Variants in MAF observed in about 807,000 individuals in gnomAD.
MAF encodes the protein MAF bZIP transcription factor, also known as transcription factor Maf.
Under a neutral mutation model 22.0 loss-of-function variants are expected in MAF, and 10 were observed. The observed-to-expected ratio is 0.45, with a 90% CI of 0.28 to 0.77. The LOEUF is 0.77. Ranked by LOEUF, MAF falls within the 30% of genes least tolerant of loss-of-function variation. The pLI, the probability that MAF is intolerant of heterozygous loss-of-function variation, is 0.12. For synonymous variants in MAF, 337 were observed against 255.8 expected (o/e 1.32, Z -3.03); for missense variants, 544 against 548.4 (o/e 0.99, Z 0.08).
At chr16:79,268,560 T>A in the MAF span, among the ~76,000 whole-genome samples, 2 of 152,286 alleles carry the variant, frequency 1.3e-5, no homozygotes, top group East Asian at 3.9e-4. Context: ...GTAGTCGAAC[T>A]AGGACAACAG....
At chr16:79,596,873 A>C (rs926644130) in intron 1 of MAF, 3 of 1,050,240 alleles carry the variant, frequency 2.9e-6, no homozygotes, top group Non-Finnish European at 3.4e-6. Context: ...TTAGCGTTCT[A>C]AACAGTTTTG....
chr16:79,212,451 C>T, the MAF span: 1 of 256,396 alleles, frequency 3.9e-6, no homozygotes, highest in Non-Finnish European at 7.5e-6. Context: ...GAGATTATAA[C>T]AAATTTTTCA....
the MAF span, among the ~76,000 whole-genome samples, chr16:79,338,006 C>CTAGG: frequency 6.6e-4 from 101 of 152,254 alleles, no homozygotes; most frequent in African/African-American, 2.4e-3. Context: ...AGGCCCTGTG[C>CTAGG]TAGGCACTTG....
the MAF span, among the ~76,000 whole-genome samples, chr16:79,420,368 T>C: frequency 6.6e-6 from 1 of 152,188 alleles, no homozygotes; most frequent in Non-Finnish European, 1.5e-5. Context: ...CAGTCACGTT[T>C]CTGAACACAG....
chr16:79,273,138 C>G, the MAF span, among the ~76,000 whole-genome samples: 3 of 152,158 alleles, frequency 2.0e-5, no homozygotes, highest in African/African-American at 7.2e-5. Flanking sequence ...TACATTTAGT[C>G]AGACCTTCAG....
the MAF span, among the ~76,000 whole-genome samples, chr16:79,326,698 T>C: frequency 5.3e-5 from 8 of 152,212 alleles, no homozygotes; most frequent in African/African-American, 9.7e-5. Flanking sequence ...CACAGGAGTA[T>C]GTAAATGCAG....
the MAF span, among the ~76,000 whole-genome samples, chr16:79,331,734 C>T: frequency 2.0e-5 from 3 of 152,166 alleles, no homozygotes; most frequent in Non-Finnish European, 4.4e-5. Flanking sequence ...TTTCCAGTGT[C>T]TTCCCTGGCC....
At chr16:79,292,002 G>T in the MAF span, among the ~76,000 whole-genome samples, 1 of 151,574 alleles carries the variant, frequency 6.6e-6, no homozygotes, top group Non-Finnish European at 1.5e-5. Flanking sequence ...TCAAACAGAC[G>T]AGGAAACTGA....
chr16:79,293,476 A>T, the MAF span, among the ~76,000 whole-genome samples: 1 of 152,212 alleles, frequency 6.6e-6, no homozygotes, highest in Non-Finnish European at 1.5e-5. Context: ...TTTGCACATA[A>T]TATGTAATAT....
At chr16:79,447,945 T>G in the MAF span, among the ~76,000 whole-genome samples, 1 of 145,998 alleles carries the variant, frequency 6.8e-6, no homozygotes, top group Non-Finnish European at 1.5e-5. Context: ...CCTGAAGATA[T>G]GACTGAATTG....
At chr16:79,568,380 C>G in the MAF span, among the ~76,000 whole-genome samples, 20 of 152,172 alleles carry the variant, frequency 1.3e-4, no homozygotes, top group Non-Finnish European at 2.5e-4. Flanking sequence ...GTTCAAATTC[C>G]TGTTCTATCT....
At chr16:79,325,598 AACACACACACAC>A in the MAF span, among the ~76,000 whole-genome samples, 108 of 145,626 alleles carry the variant, frequency 7.4e-4, no homozygotes, top group Non-Finnish European at 1.1e-3. Flanking sequence ...CCCAGACACA[AACACACACACAC>A]ACACACACAC....
At chr16:79,483,854 G>C in the MAF span, among the ~76,000 whole-genome samples, 1 of 152,268 alleles carries the variant, frequency 6.6e-6, no homozygotes, top group Non-Finnish European at 1.5e-5. Flanking sequence ...GGTCTTATTC[G>C]ACAGGCAGAG....
At chr16:79,400,258 C>G in the MAF span, among the ~76,000 whole-genome samples, 1 of 152,172 alleles carries the variant, frequency 6.6e-6, no homozygotes, top group Non-Finnish European at 1.5e-5. Flanking sequence ...AGAGAACATC[C>G]CTTTGTGGCT....
chr16:79,493,974 C>T, the MAF span, among the ~76,000 whole-genome samples: 1 of 151,000 alleles, frequency 6.6e-6, no homozygotes, highest in African/African-American at 2.4e-5. Flanking sequence ...AAATCAGGCT[C>T]TTTCAAAAAA....
the MAF span, among the ~76,000 whole-genome samples, chr16:79,541,636 C>T: frequency 6.6e-6 from 1 of 151,738 alleles, no homozygotes; most frequent in Non-Finnish European, 1.5e-5. Context: ...GCCCTTGTTA[C>T]CAGCTAAGCT....
chr16:79,598,573 G>A (rs1913723248), intron 1 of MAF: 2 of 1,425,318 alleles, frequency 1.4e-6, no homozygotes, highest in African/African-American at 1.7e-5. Flanking sequence ...AACTCGAGCA[G>A]GGTGTGGGGT....
the MAF span, among the ~76,000 whole-genome samples, chr16:79,468,876 G>C: frequency 6.6e-6 from 1 of 152,100 alleles, no homozygotes; most frequent in East Asian, 1.9e-4. Flanking sequence ...CCTTCTAATG[G>C]CGACCTCTTG....
At chr16:79,377,326 T>C in the MAF span, among the ~76,000 whole-genome samples, 3 of 152,258 alleles carry the variant, frequency 2.0e-5, no homozygotes, top group East Asian at 1.9e-4. Flanking sequence ...AAATGTCTTC[T>C]TTTGAGAAGT....
Sources: gnomAD v4.1 joint callset for allele counts (sites outside exome capture counted in the v4.1 genomes callset) on GRCh38, gnomAD v4.1.1 for gene constraint, MANE v1.5 for transcripts, NCBI Gene and HGNC (gene_info 2026-07-23, HGNC 2026-07-21) for gene names.